The following ERC1 variants were observed in gnomAD, a reference collection of about 807,000 sequenced individuals.
ERC1 encodes the protein ELKS/RAB6-interacting/CAST family member 1, also known as RAB6 interacting protein 2.
Under a neutral mutation model 132.0 loss-of-function variants are expected in ERC1, and 56 were observed. The ratio of observed to expected loss-of-function variants is 0.42; its 90% CI spans 0.34 to 0.53. The LOEUF is 0.53. Ranked by LOEUF, ERC1 falls within the 20% of genes least tolerant of loss-of-function variation. The pLI, the probability that ERC1 is intolerant of heterozygous loss-of-function variation, is 0.03. For missense variants in ERC1, 1,202 were observed against 1,349.9 expected (o/e 0.89, Z 1.72); for synonymous variants, 478 against 476.1 (o/e 1.00, Z -0.05).
chr12:1,112,635 A>G (rs553565486), intron 6 of ERC1, among the ~76,000 whole-genome samples: 28 of 152,266 alleles, frequency 1.8e-4, no homozygotes, highest in Non-Finnish European at 3.7e-4. Flanking sequence ...TTTTCTTCCT[A>G]GGTACAAGAA....
At chr12:1,341,776 G>A (rs774442414) in intron 15 of ERC1, among the ~76,000 whole-genome samples, 1 of 152,084 alleles carries the variant, frequency 6.6e-6, no homozygotes, top group Non-Finnish European at 1.5e-5. Context: ...AAACCTGCCT[G>A]TTGTGTACAC....
intron 2 of ERC1, among the ~76,000 whole-genome samples, chr12:1,035,940 T>C (rs1453638871): frequency 6.7e-6 from 1 of 148,670 alleles, no homozygotes; most frequent in Non-Finnish European, 1.5e-5. Context: ...AAAAATACTT[T>C]GGATGATTTT....
At chr12:1,358,457 G>A (rs2085755651) in intron 15 of ERC1, among the ~76,000 whole-genome samples, 1 of 152,110 alleles carries the variant, frequency 6.6e-6, no homozygotes, top group Non-Finnish European at 1.5e-5. Flanking sequence ...TAAAAATCCA[G>A]TCTTGGCAAG....
intron 13 of ERC1, among the ~76,000 whole-genome samples, chr12:1,248,272 G>A (rs1263639572): frequency 1.3e-5 from 2 of 152,202 alleles, no homozygotes; most frequent in African/African-American, 2.4e-5. Flanking sequence ...TTATACAGCA[G>A]TGAAAAGACA....
intron 18 of ERC1, among the ~76,000 whole-genome samples, chr12:1,471,770 C>G (rs2093866745): frequency 1.3e-5 from 2 of 152,214 alleles, no homozygotes; most frequent in Admixed American, 6.5e-5. Flanking sequence ...TGGAAGAGGT[C>G]TGACAGCTAG....
chr12:1,335,057 G>A (rs1054329352), intron 15 of ERC1, among the ~76,000 whole-genome samples: 4 of 152,150 alleles, frequency 2.6e-5, no homozygotes, highest in African/African-American at 9.7e-5. Flanking sequence ...GAATGCTAGT[G>A]ATATCTGTAT....
At chr12:1,488,898 G>T (rs185667904) in intron 18 of ERC1, among the ~76,000 whole-genome samples, 1 of 152,268 alleles carries the variant, frequency 6.6e-6, no homozygotes, top group Non-Finnish European at 1.5e-5. Context: ...CCTTGCATCA[G>T]CCTTGCCTAA....
chr12:1,160,323 C>T (rs917361092), intron 8 of ERC1, among the ~76,000 whole-genome samples: 3 of 152,092 alleles, frequency 2.0e-5, no homozygotes, highest in African/African-American at 4.8e-5. Flanking sequence ...ATTCTAAAAG[C>T]TTTTTTTGTT....
intron 2 of ERC1, among the ~76,000 whole-genome samples, chr12:1,043,003 G>T (rs1970504770): frequency 6.6e-6 from 1 of 150,380 alleles, no homozygotes; most frequent in Non-Finnish European, 1.5e-5. Context: ...GTTATCTATG[G>T]TACAGAGTAT....
At chr12:1,455,714 G>A (rs1038016585) in intron 18 of ERC1, among the ~76,000 whole-genome samples, 9 of 152,298 alleles carry the variant, frequency 5.9e-5, no homozygotes, top group East Asian at 1.9e-4. Flanking sequence ...CAATGAGAAC[G>A]TTTTTGACAA....
intron 17 of ERC1, among the ~76,000 whole-genome samples, chr12:1,435,909 C>T (rs188164412): frequency 6.6e-6 from 1 of 152,270 alleles, no homozygotes; most frequent in Admixed American, 6.5e-5. Context: ...AACTCTTCTT[C>T]CCTGCCACCT....
chr12:1,084,411 C>T lies in ERC1; in HGVS notation c.1086+831C>T, dbSNP rs147926410. ...TTTAAAAAATGGCGTATTCCCAAAG[C>T]AGCAAAATAATAATTTTTAAAAATA... On this transcript the variant is annotated intron_variant, in intron 3 of 18. Coordinates refer to ENST00000360905, the MANE Select transcript of ERC1 (RefSeq NM_178040.4). Among the ~76,000 whole-genome samples, 520 of 152,192 alleles carry T rather than the reference C, an allele frequency of 3.4e-3. 2 individuals carry two copies. The highest frequency in any genetic ancestry group is 6.8e-3 in the Middle Eastern group (2 of 294).
chr12:996,301 A>C (rs1483624798), intron 1 of ERC1, among the ~76,000 whole-genome samples: 2 of 117,784 alleles, frequency 1.7e-5, no homozygotes, highest in Non-Finnish European at 3.2e-5. Flanking sequence ...ACAGTGTTTC[A>C]CTGTGTTAGC....
At chr12:1,133,753 C>T (rs560494370) in intron 7 of ERC1, among the ~76,000 whole-genome samples, 30 of 152,284 alleles carry the variant, frequency 2.0e-4, no homozygotes, top group African/African-American at 6.7e-4. Flanking sequence ...AGAACTTACT[C>T]GTTTTATAAC....
intron 13 of ERC1, among the ~76,000 whole-genome samples, chr12:1,258,450 G>C (rs1414045946): frequency 6.6e-6 from 1 of 152,200 alleles, no homozygotes; most frequent in Non-Finnish European, 1.5e-5. Context: ...CCACCAGGAA[G>C]CACTTTCCAG....
chr12:1,234,036 A>C (rs74518706), intron 12 of ERC1, among the ~76,000 whole-genome samples: 2,192 of 152,318 alleles, frequency 0.014, 45 homozygotes, highest in African/African-American at 0.05. Flanking sequence ...ATGACATGAT[A>C]TCTGGAATTT....
intron 1 of ERC1, among the ~76,000 whole-genome samples, chr12:1,005,942 T>G (rs901266999): frequency 3.3e-5 from 5 of 151,536 alleles, no homozygotes; most frequent in Non-Finnish European, 4.4e-5. Context: ...CTTAACAGTT[T>G]ATATTAAAAT....
intron 7 of ERC1, among the ~76,000 whole-genome samples, chr12:1,125,973 C>A (rs943639318): frequency 6.6e-6 from 1 of 152,112 alleles, no homozygotes; most frequent in Non-Finnish European, 1.5e-5. Flanking sequence ...AAGGTGGTTA[C>A]CAGCGGCTGG....
At chr12:1,210,979 T>A (rs571056734) in intron 12 of ERC1, among the ~76,000 whole-genome samples, 3 of 142,224 alleles carry the variant, frequency 2.1e-5, no homozygotes, top group African/African-American at 8.4e-5. Flanking sequence ...AGTGAGACTG[T>A]GTCTCAAAAA....
Sources: allele counts gnomAD v4.1 joint callset (sites outside exome capture counted in the v4.1 genomes callset), GRCh38; gene constraint gnomAD v4.1.1; transcripts MANE v1.5; gene names NCBI Gene and HGNC (gene_info 2026-07-23, HGNC 2026-07-21).